RARB: variants seen among roughly 807,000 people sequenced by gnomAD.
RARB encodes the protein HBV-activated protein.
In RARB, 17 loss-of-function variants were observed where a neutral mutation model predicts 51.9. The observed-to-expected ratio is 0.33, with a 90% CI of 0.22 to 0.49. The LOEUF (loss-of-function observed/expected upper bound fraction) is 0.49, where lower values mean the gene tolerates loss of function less well. RARB is among the 20% of genes least tolerant of loss of function. RARB has a pLI of 0.99. For missense variants in RARB, 369 were observed against 550.8 expected (o/e 0.67, Z 3.30); for synonymous variants, 215 against 195.4 (o/e 1.10, Z -0.84).
In RARB at chr3:25,146,492, G is replaced by GTTTTTTTTTTT. The variant is rs751190061; in HGVS notation, c.-280+14290_-280+14291insTTTTTTTTTTT. ...CAGCCTGCAGGCTATAATTTGCTAA[G>GTTTTTTTTTTT]TTTTTTGTTTGTTTGTTTGTTTTTT... is the stretch of plus-strand genomic sequence containing the variant. On this transcript the variant is annotated intron_variant, in intron 4 of 11. Coordinates refer to the RARB transcript ENST00000383772. 1.5e-4 allele frequency among the ~76,000 whole-genome samples: 19 copies of GTTTTTTTTTTT among 126,326 alleles called. 1 individual carries two copies. Among genetic ancestry groups the GTTTTTTTTTTT allele is most frequent in the Admixed American group, 2.7e-4 (3 of 11,008 alleles). 82.9% of individuals were successfully genotyped at this position (126,326 alleles called of 152,430 possible). A position where few individuals can be genotyped will look rare whatever the true frequency, so the allele number is the denominator to read the frequency against.
At chr3:25,046,641 G>A (rs961531285) in intron 2 of RARB, among the ~76,000 whole-genome samples, 3 of 152,064 alleles carry the variant, frequency 2.0e-5, no homozygotes, top group African/African-American at 4.8e-5. Context: ...TTTTGATAGA[G>A]ACGGGGTTTC....
chr3:25,447,475 G>A (rs927411113), intron 1 of RARB, among the ~76,000 whole-genome samples: 2 of 152,196 alleles, frequency 1.3e-5, no homozygotes, highest in African/African-American at 4.8e-5. Flanking sequence ...CATGTATCAA[G>A]GGGTCTGGTC....
chr3:25,298,569 T>C lies in RARB; in HGVS notation c.178+123994T>C, dbSNP rs2125426165. On this transcript the variant is annotated intron_variant, in intron 5 of 11. Transcript: ENST00000383772. ...TCAAACCCCAGGATGGTGATTTGCA[T>C]AGTGGTGAGTTAAGCTGGCCTCTAA... Among the ~76,000 whole-genome samples, 4 of 152,214 alleles carry C rather than the reference T, an allele frequency of 2.6e-5. No individual in the cohort carries two copies. In the Middle Eastern group the frequency reaches 0.01, roughly 388 times the overall value.
chr3:25,090,158 G>A (rs1286046771), intron 3 of RARB, among the ~76,000 whole-genome samples: 1 of 152,148 alleles, frequency 6.6e-6, no homozygotes, highest in Non-Finnish European at 1.5e-5. Flanking sequence ...TGAGAGACAA[G>A]CTCTGAGGGA....
intron 1 of RARB, among the ~76,000 whole-genome samples, chr3:24,840,854 A>C (rs1478542776): frequency 7.2e-5 from 11 of 151,876 alleles, no homozygotes; most frequent in Non-Finnish European, 1.5e-5. Context: ...CTGGACATCT[A>C]TCCTTTTCCA....
chr3:25,081,614 TATATATA>T (rs1285413305), intron 3 of RARB, among the ~76,000 whole-genome samples: 10 of 14,162 alleles, frequency 7.1e-4, no homozygotes, highest in African/African-American at 1.6e-3. Flanking sequence ...TATATATATA[TATATATA>T]TTTTTTTTTT....
intron 5 of RARB, among the ~76,000 whole-genome samples, chr3:25,279,206 G>T (rs1703463439): frequency 6.6e-6 from 1 of 152,146 alleles, no homozygotes; most frequent in African/African-American, 2.4e-5. Context: ...ACATATTATT[G>T]TAAAATCAAC....
At position 25,259,981 on chromosome 3, in the gene RARB, C is replaced by T. The variant is rs974714432; in HGVS notation, c.178+85406C>T. The T allele has an allele frequency of 5.1e-6, 5 of 985,174 alleles. No homozygotes were observed. In the African/African-American group the frequency reaches 5.2e-5, roughly 10 times the overall value. 61.0% of individuals were successfully genotyped at this position (985,174 alleles called of 1,614,324 possible). A position where few individuals can be genotyped will look rare whatever the true frequency, so the allele number is the denominator to read the frequency against. On this transcript the variant is annotated intron_variant, in intron 5 of 11. Coordinates refer to the RARB transcript ENST00000383772. ...GTCAGTGTGGAGCCAACTTCTCAGC[C>T]AGCCTTTTACTCTCCTCAGTTTGTT... is the stretch of plus-strand genomic sequence containing the variant.
At chr3:24,866,814 G>A (rs1359999293) in intron 2 of RARB, among the ~76,000 whole-genome samples, 3 of 152,176 alleles carry the variant, frequency 2.0e-5, no homozygotes, top group Admixed American at 6.5e-5. Context: ...TTAAAGGGGA[G>A]AGCAGGGTTT....
chr3:24,919,698 C>G (rs187556230), intron 2 of RARB, among the ~76,000 whole-genome samples: 5 of 152,316 alleles, frequency 3.3e-5, no homozygotes, highest in African/African-American at 1.2e-4. Context: ...GTTTAGGTAT[C>G]TTTTCTAAAA....
intron 3 of RARB, among the ~76,000 whole-genome samples, chr3:25,097,617 T>A (rs957417116): frequency 6.6e-6 from 1 of 152,170 alleles, no homozygotes; most frequent in Non-Finnish European, 1.5e-5. Context: ...AGCCTAGGCA[T>A]ATCCCAGCCT....
chr3:24,974,080 T>A (rs1696458081), intron 2 of RARB, among the ~76,000 whole-genome samples: 1 of 152,096 alleles, frequency 6.6e-6, no homozygotes, highest in Non-Finnish European at 1.5e-5. Flanking sequence ...TGATGGTGGC[T>A]GTAGGTTTGT....
chr3:24,889,568 C>T (rs760974677), intron 2 of RARB, among the ~76,000 whole-genome samples: 7 of 152,020 alleles, frequency 4.6e-5, no homozygotes, highest in Non-Finnish European at 8.8e-5. Flanking sequence ...GTGGAATCTT[C>T]ATAACAAACA....
rs551425475 is a variant in RARB at position 24,871,028 on chromosome 3, C to T, written c.-380+12276C>T. The stretch of plus-strand genomic sequence containing the variant: ...CCTCCTCATTCCCTTTCCCATCCTC[C>T]GGTAACCATCATTCTACTCTATCTT... On this transcript the variant is annotated intron_variant, in intron 2 of 11. Transcript: ENST00000383772. 1.7e-4 allele frequency among the ~76,000 whole-genome samples: 26 copies of T among 152,022 alleles called. No homozygotes were observed. The South Asian group carries it at 3.7e-3, about 22-fold the overall frequency.
chr3:25,366,534 G>C (rs1270340750), intron 5 of RARB, among the ~76,000 whole-genome samples: 1 of 151,754 alleles, frequency 6.6e-6, no homozygotes, highest in African/African-American at 2.4e-5. Context: ...CTAGAAAACT[G>C]ATGAAACCAG....
At chr3:25,090,285 G>A (rs1699173828) in intron 3 of RARB, among the ~76,000 whole-genome samples, 1 of 152,066 alleles carries the variant, frequency 6.6e-6, no homozygotes, top group African/African-American at 2.4e-5. Context: ...AGTACTTGAG[G>A]AAACATTTTA....
intron 4 of RARB, among the ~76,000 whole-genome samples, chr3:25,145,493 T>G (rs1056210549): frequency 5.1e-5 from 5 of 97,540 alleles, no homozygotes. Flanking sequence ...TTGAAAATTG[T>G]AAATTTCAAA....
intron 3 of RARB, among the ~76,000 whole-genome samples, chr3:25,068,724 G>C (rs1698712045): frequency 6.6e-6 from 1 of 152,136 alleles, no homozygotes; most frequent in South Asian, 2.1e-4. Flanking sequence ...GGCTGCTGAA[G>C]GATGAATCTG....
chr3:24,923,707 C>T (rs1375006080), intron 2 of RARB, among the ~76,000 whole-genome samples: 1 of 152,086 alleles, frequency 6.6e-6, no homozygotes. Flanking sequence ...AGCTGAATCA[C>T]GTGGAATTAT....
Sources: allele counts gnomAD v4.1 joint callset (sites outside exome capture counted in the v4.1 genomes callset), GRCh38; gene constraint gnomAD v4.1.1; transcripts MANE v1.5; gene names NCBI Gene and HGNC (gene_info 2026-07-23, HGNC 2026-07-21).